The following RGS20 variants were observed in gnomAD, a reference collection of about 807,000 sequenced individuals.
RGS20 encodes the protein gz-selective GTPase-activating protein.
Under a neutral mutation model 33.6 loss-of-function variants are expected in RGS20, and 30 were observed. That is an observed-to-expected ratio of 0.89 (90% CI 0.67 to 1.21). The LOEUF (loss-of-function observed/expected upper bound fraction) is 1.21. Ranked by LOEUF, RGS20 falls within the 50% of genes most tolerant of loss-of-function variation. The probability of loss-of-function intolerance (pLI) is 0.00; values close to 1 mark genes in which losing one functional copy is unlikely to be tolerated. For synonymous variants in RGS20, 208 were observed against 197.9 expected (o/e 1.05, Z -0.43); for missense variants, 472 against 502.4 (o/e 0.94, Z 0.58).
intron 2 of RGS20, among the ~76,000 whole-genome samples, chr8:53,914,075 A>G (rs1813420387): frequency 7.1e-6 from 1 of 140,590 alleles, no homozygotes; most frequent in Non-Finnish European, 1.5e-5. Flanking sequence ...CTGTCAGCCA[A>G]GCTGGAGTGC....
At chr8:53,905,241 C>T (rs1813132776) in intron 2 of RGS20, among the ~76,000 whole-genome samples, 1 of 152,096 alleles carries the variant, frequency 6.6e-6, no homozygotes, top group East Asian at 1.9e-4. Flanking sequence ...ACAATAAAAC[C>T]CAAATAGTCA....
At chr8:53,879,670 TC>T (rs1287447263) in intron 2 of RGS20, 16 of 1,298,598 alleles carry the variant, frequency 1.2e-5, no homozygotes, top group Non-Finnish European at 1.4e-5. Context: ...TCCCGATTCT[TC>T]CTAACCCCAA....
chr8:53,935,604 C>G (rs1206516272), intron 2 of RGS20, among the ~76,000 whole-genome samples: 2 of 152,112 alleles, frequency 1.3e-5, no homozygotes, highest in Non-Finnish European at 1.5e-5. Context: ...AAAATTGAGG[C>G]AGTAATTAAT....
chr8:53,911,215 C>G (rs560140030), intron 2 of RGS20, among the ~76,000 whole-genome samples: 24 of 152,204 alleles, frequency 1.6e-4, no homozygotes, highest in African/African-American at 5.3e-4. Context: ...TGAACTAAAA[C>G]TTTAGTGTGA....
Position 53,946,762 on chromosome 8 carries a change from T to G in RGS20, c.743+14T>G, listed in dbSNP as rs1472954537. On this transcript the variant is annotated intron_variant, in intron 4 of 5. Transcript: ENST00000297313. Reference sequence around the variant, plus strand: ...CTGGGAAGAAAGGTGAAATCACACGTTTTTTTTACCTCACTAAACTAACAG... The same window carrying G: ...CTGGGAAGAAAGGTGAAATCACACGGTTTTTTTACCTCACTAAACTAACAG... 3.8e-6 allele frequency: 6 copies of G among 1,595,870 alleles called. No homozygotes were observed. The highest frequency in any genetic ancestry group is 3.4e-6 in the Non-Finnish European group (4 of 1,169,410).
chr8:53,949,725 A>C (rs950998458), intron 4 of RGS20, among the ~76,000 whole-genome samples: 29 of 152,132 alleles, frequency 1.9e-4, no homozygotes, highest in African/African-American at 7.0e-4. Context: ...TCAATCAATC[A>C]ATCAATCAAT....
At chr8:53,902,562 C>T (rs146604107) in intron 2 of RGS20, among the ~76,000 whole-genome samples, 196 of 152,292 alleles carry the variant, frequency 1.3e-3, no homozygotes, top group African/African-American at 4.4e-3. Flanking sequence ...CTTGGCATTT[C>T]CTTCATTATT....
chr8:53,879,288 C>A lies in RGS20; in HGVS notation c.196C>A (p.Pro66Thr). The A allele has an allele frequency of 6.2e-7, 1 of 1,613,762 alleles. No homozygotes were observed. The highest frequency in any genetic ancestry group is 8.5e-7 in the Non-Finnish European group (1 of 1,179,974). ...CCCGCCTGCACAGCTCCCAGACTCG[C>A]CCGCCGCCCCGAAGCTGTTCGGCCT... The change falls in exon 2 of 6, where the codon CCC becomes ACC. Residue 66 changes from proline (P) to threonine (T), a missense_variant. Coordinates refer to ENST00000297313, the MANE Select transcript of RGS20 (RefSeq NM_170587.4).
At chr8:53,868,785 C>T (rs527795869) in intron 1 of RGS20, among the ~76,000 whole-genome samples, 4 of 152,010 alleles carry the variant, frequency 2.6e-5, no homozygotes, top group East Asian at 1.9e-4. Flanking sequence ...CAGAGTCTCC[C>T]TCTGTTACCC....
intron 2 of RGS20, among the ~76,000 whole-genome samples, chr8:53,882,824 C>T (rs535651135): frequency 6.6e-6 from 1 of 152,216 alleles, no homozygotes; most frequent in East Asian, 1.9e-4. Context: ...CTCATTGCCC[C>T]GGAGTGTGGG....
chr8:53,930,442 A>G (rs569667893), intron 2 of RGS20, among the ~76,000 whole-genome samples: 1 of 152,244 alleles, frequency 6.6e-6, no homozygotes, highest in African/African-American at 2.4e-5. Context: ...CTGATTGGGA[A>G]GACCCAGTGT....
At chr8:53,892,922 A>G (rs1182253271) in intron 2 of RGS20, among the ~76,000 whole-genome samples, 1 of 152,216 alleles carries the variant, frequency 6.6e-6, no homozygotes, top group African/African-American at 2.4e-5. Flanking sequence ...TATTACTAAT[A>G]AGTTTATGAA....
chr8:53,884,452 A>G (rs2129275672), intron 2 of RGS20, among the ~76,000 whole-genome samples: 1 of 152,260 alleles, frequency 6.6e-6, no homozygotes, highest in East Asian at 1.9e-4. Flanking sequence ...GTACCTTAGG[A>G]GCTTGAAGTG....
intron 3 of RGS20, among the ~76,000 whole-genome samples, chr8:53,944,045 G>GT (rs1814390291): frequency 6.6e-6 from 1 of 151,026 alleles, no homozygotes. Flanking sequence ...TAAAACAGTT[G>GT]TGCTAAAAAC....
intron 3 of RGS20, among the ~76,000 whole-genome samples, chr8:53,943,304 G>A (rs912130088): frequency 1.3e-5 from 2 of 152,072 alleles, no homozygotes; most frequent in East Asian, 3.8e-4. Context: ...TTCAAGAAAA[G>A]TAAATGGCAA....
At chr8:53,860,565 T>C (rs2129267650) in intron 1 of RGS20, among the ~76,000 whole-genome samples, 1 of 152,268 alleles carries the variant, frequency 6.6e-6, no homozygotes, top group South Asian at 2.1e-4. Flanking sequence ...CTGTGGAAGA[T>C]AGTTTAACAC....
intron 1 of RGS20, among the ~76,000 whole-genome samples, chr8:53,852,294 A>G (rs1811583896): frequency 1.3e-5 from 2 of 152,186 alleles, no homozygotes; most frequent in Admixed American, 1.3e-4. Context: ...ATAAATTATT[A>G]TGTATTGCTT....
At chr8:53,871,862 C>A (rs1812077581) in intron 1 of RGS20, among the ~76,000 whole-genome samples, 1 of 152,100 alleles carries the variant, frequency 6.6e-6, no homozygotes, top group South Asian at 2.1e-4. Flanking sequence ...CTCTAGGGAT[C>A]CTATCCAATT....
At chr8:53,855,438 G>T (rs1050561803) in intron 1 of RGS20, among the ~76,000 whole-genome samples, 3 of 152,164 alleles carry the variant, frequency 2.0e-5, no homozygotes, top group African/African-American at 7.2e-5. Flanking sequence ...TAGGGATTAG[G>T]TAGGGTGGTG....
Sources: allele counts gnomAD v4.1 joint callset (sites outside exome capture counted in the v4.1 genomes callset), GRCh38; gene constraint gnomAD v4.1.1; transcripts MANE v1.5; gene names NCBI Gene and HGNC (gene_info 2026-07-23, HGNC 2026-07-21).